The following ACER1 variants were observed in gnomAD, a reference collection of about 807,000 sequenced individuals.
ACER1 encodes CTB-180A7.3.
ACER1 carries 28 observed loss-of-function variants against 24.9 expected under a neutral mutation model. The observed-to-expected ratio is 1.13, with a 90% CI of 0.83 to 1.54. ACER1 has a LOEUF of 1.54. Ranked by LOEUF, ACER1 falls within the 40% of genes most tolerant of loss-of-function variation. The pLI, the probability that ACER1 is intolerant of heterozygous loss-of-function variation, is 0.00. For synonymous variants in ACER1, 132 were observed against 131.4 expected (o/e 1.00, Z -0.03); for missense variants, 352 against 349.3 (o/e 1.01, Z -0.06).
the ACER1 span, among the ~76,000 whole-genome samples, chr19:6,358,763 G>A: frequency 2.0e-5 from 3 of 151,008 alleles, no homozygotes; most frequent in Non-Finnish European, 2.9e-5. Context: ...GAGAAACCCC[G>A]TCTCTACTTA....
chr19:6,347,637 A>C, the ACER1 span, among the ~76,000 whole-genome samples: 2 of 151,220 alleles, frequency 1.3e-5, no homozygotes, highest in African/African-American at 4.9e-5. Context: ...GGAGTTCAAG[A>C]CCAGCCTGAC....
the ACER1 span, among the ~76,000 whole-genome samples, chr19:6,347,109 A>ATATATATATATATATATATAT: frequency 8.8e-6 from 1 of 113,822 alleles, no homozygotes; most frequent in African/African-American, 5.1e-5. Context: ...AAAAAAAAAA[A>ATATATATATATATATATATAT]ATATATATAT....
chr19:6,357,778 T>A, the ACER1 span, among the ~76,000 whole-genome samples: 2 of 148,548 alleles, frequency 1.3e-5, no homozygotes, highest in African/African-American at 5.0e-5. Flanking sequence ...AAAAAAAAAA[T>A]TAGCTTTTTT....
At chr19:6,343,678 G>C in the ACER1 span, 1 of 152,630 alleles carries the variant, frequency 6.6e-6, no homozygotes, top group Admixed American at 6.6e-5. Flanking sequence ...CATGGCTTTG[G>C]TGTACCTCTA....
At chr19:6,353,140 C>T in the ACER1 span, among the ~76,000 whole-genome samples, 1 of 152,128 alleles carries the variant, frequency 6.6e-6, no homozygotes, top group African/African-American at 2.4e-5. Flanking sequence ...CCAGCTTGGA[C>T]AACATAAGAG....
the ACER1 span, among the ~76,000 whole-genome samples, chr19:6,346,048 G>A: frequency 2.6e-5 from 4 of 152,030 alleles, no homozygotes; most frequent in African/African-American, 7.2e-5. Flanking sequence ...CTTCCAAGGT[G>A]GGTTAATTCC....
At chr19:6,341,550 AAAAG>A in the ACER1 span, among the ~76,000 whole-genome samples, 3 of 151,512 alleles carry the variant, frequency 2.0e-5, no homozygotes. Flanking sequence ...AAAAAAAAGA[AAAAG>A]AAAAAGAAAA....
At chr19:6,358,560 G>A in the ACER1 span, among the ~76,000 whole-genome samples, 1 of 151,574 alleles carries the variant, frequency 6.6e-6, no homozygotes. Flanking sequence ...CTGGGAGGCG[G>A]AGCTTGCAGT....
At chr19:6,344,860 A>AT in the ACER1 span, among the ~76,000 whole-genome samples, 11 of 146,866 alleles carry the variant, frequency 7.5e-5, no homozygotes, top group African/African-American at 2.6e-4. Flanking sequence ...ATTTTATTTT[A>AT]TTTATTTATT....
chr19:6,312,245 T>C lies in ACER1; in HGVS notation c.254A>G (p.Gln85Arg). 1 of 1,614,086 alleles carries C rather than the reference T, an allele frequency of 6.2e-7. No homozygotes were observed. The highest frequency in any genetic ancestry group is 2.2e-5 in the East Asian group (1 of 44,884). Residue 85 changes from glutamine (Q) to arginine (R), a missense_variant, in exon 3 of 6, where the codon CAG (glutamine) becomes CGG (arginine). By Grantham distance (43) the Gln-to-Arg change is conservative. Transcript: ENST00000301452. ...CAGGATGGCGATCTCGTCCAGCAGC[T>C]GGCCCAGGAAGCTGAGCGTCATGTG... ...YFHMTLSFLG[Q>R]LLDEIAILWL...
upstream of ACER1, among the ~76,000 whole-genome samples, chr19:6,336,196 T>A (rs931854211): frequency 6.6e-6 from 1 of 152,092 alleles, no homozygotes; most frequent in Non-Finnish European, 1.5e-5. Context: ...CCACTGTGCC[T>A]GGCCTCTTTT....
At chr19:6,349,638 A>G in the ACER1 span, among the ~76,000 whole-genome samples, 30,034 of 152,070 alleles carry the variant, frequency 0.2, 4,132 homozygotes, top group East Asian at 0.39. Context: ...AGTGAGCCCC[A>G]TCAGAGCATC....
the ACER1 span, among the ~76,000 whole-genome samples, chr19:6,346,852 G>A: frequency 1.3e-5 from 2 of 151,786 alleles, no homozygotes; most frequent in Admixed American, 1.3e-4. Context: ...CAGCGGGGAG[G>A]AGGTTCTCTG....
chr19:6,311,464 C>A (rs2091579685), intron 3 of ACER1, among the ~76,000 whole-genome samples: 2 of 152,004 alleles, frequency 1.3e-5, no homozygotes, highest in East Asian at 3.9e-4. Flanking sequence ...ATCACTTGAA[C>A]CCTGAAGGCA....
intron 3 of ACER1, 122 bp downstream of exon 3, chr19:6,312,027 G>T: frequency 7.5e-7 from 1 of 1,328,544 alleles, no homozygotes. Context: ...GTGGTCAGGG[G>T]AGGAATTCCA....
At chr19:6,312,079 A>G in intron 3 of ACER1, 70 bp downstream of exon 3, 1 of 1,552,164 alleles carries the variant, frequency 6.4e-7, no homozygotes, top group Non-Finnish European at 8.7e-7. Flanking sequence ...CAGGGGACTC[A>G]GGTGAGCTCA....
chr19:6,322,987 C>T (rs536858314), intron 1 of ACER1, among the ~76,000 whole-genome samples: 8 of 152,152 alleles, frequency 5.3e-5, no homozygotes, highest in African/African-American at 1.7e-4. Context: ...TGGTGCACAC[C>T]TGTAAGCCCA....
intron 1 of ACER1, among the ~76,000 whole-genome samples, chr19:6,324,910 A>AGGAAG (rs1469686284): frequency 6.9e-6 from 1 of 145,766 alleles, no homozygotes; most frequent in African/African-American, 2.6e-5. Flanking sequence ...GAAGGAAGGA[A>AGGAAG]GGAGGAAGGA....
the ACER1 span, among the ~76,000 whole-genome samples, chr19:6,358,814 T>C: frequency 6.7e-6 from 1 of 150,048 alleles, no homozygotes; most frequent in Admixed American, 6.7e-5. Context: ...GCGCCTGTAA[T>C]CCCAGCTACT....
Sources: allele counts gnomAD v4.1 joint callset (sites outside exome capture counted in the v4.1 genomes callset), GRCh38; gene constraint gnomAD v4.1.1; transcripts MANE v1.5; gene names NCBI Gene and HGNC (gene_info 2026-07-23, HGNC 2026-07-21).